Variants in NOX3 observed in about 807,000 individuals in gnomAD.
NOX3 encodes NADPH oxidase 3, also known as NADPH oxidase catalytic subunit-like 3.
A neutral mutation model predicts 76.7 loss-of-function variants in NOX3; 74 were observed. The ratio of observed to expected loss-of-function variants is 0.96; its 90% CI spans 0.80 to 1.17. The LOEUF (loss-of-function observed/expected upper bound fraction) is 1.17, where lower values mean the gene tolerates loss of function less well. Ranked by LOEUF, NOX3 falls within the 50% of genes most tolerant of loss-of-function variation. The probability of loss-of-function intolerance (pLI) is 0.00; values close to 1 mark genes in which losing one functional copy is unlikely to be tolerated. For missense variants in NOX3, 695 were observed against 703.3 expected, an observed-to-expected ratio of 0.99 and a Z score of 0.13; for synonymous variants, 263 against 261.1, an observed-to-expected ratio of 1.01 and a Z score of -0.07.
chr6:155,397,558 C>T (rs532142497), intron 12 of NOX3, among the ~76,000 whole-genome samples: 1 of 152,330 alleles, frequency 6.6e-6, no homozygotes, highest in African/African-American at 2.4e-5. Context: ...GAATGAATGA[C>T]TAAATGGCTT....
intron 7 of NOX3, among the ~76,000 whole-genome samples, chr6:155,434,711 C>T (rs1776879043): frequency 6.6e-6 from 1 of 152,146 alleles, no homozygotes; most frequent in Admixed American, 6.5e-5. Flanking sequence ...GCATCACACA[C>T]TTCATTTTGG....
intron 8 of NOX3, 101 bp from the exon 9 acceptor site, chr6:155,429,148 C>A: frequency 1.6e-6 from 2 of 1,229,990 alleles, no homozygotes; most frequent in Non-Finnish European, 2.2e-6. Flanking sequence ...CAGCTTGTTT[C>A]AGGTGTAATT....
chr6:155,441,975 G>T (rs2114704011), intron 5 of NOX3, among the ~76,000 whole-genome samples: 1 of 152,260 alleles, frequency 6.6e-6, no homozygotes, highest in Non-Finnish European at 1.5e-5. Flanking sequence ...CTAAGAAAAG[G>T]TAGCTCAAGC....
At chr6:155,448,531 C>T (rs1215974241) in intron 4 of NOX3, among the ~76,000 whole-genome samples, 1 of 151,852 alleles carries the variant, frequency 6.6e-6, no homozygotes, top group Non-Finnish European at 1.5e-5. Flanking sequence ...TTTGTGTTCT[C>T]CCCAAAGTAC....
intron 11 of NOX3, among the ~76,000 whole-genome samples, chr6:155,410,296 AGT>A (rs142349696): frequency 0.038 from 5,620 of 149,266 alleles, 292 homozygotes; most frequent in African/African-American, 0.12. Flanking sequence ...CTATAAGGCC[AGT>A]GTGTGTGTGT....
In NOX3 at chr6:155,440,025, T is replaced by C. The variant is rs772889510; in HGVS notation, c.599A>G (p.Tyr200Cys). 1.2e-5 allele frequency: 19 copies of C among 1,613,858 alleles called. No individual in the cohort carries two copies. The highest frequency in any genetic ancestry group is 4.4e-5 in the South Asian group (4 of 91,062). The change falls in exon 6 of 14, where the codon TAT (tyrosine) becomes TGT (cysteine). Residue 200 changes from tyrosine to cysteine, a missense_variant. Transcript: ENST00000159060. ...SSTEFIRQASYELFWYTHHVF... is the reference protein window; with the variant it reads ...SSTEFIRQASCELFWYTHHVF... Reference sequence around the variant, plus strand: ...ATGGTGTGTGTACCAGAACAACTCATAGGAGGCCTGTCTGATGAACTCAGT... The same window carrying C: ...ATGGTGTGTGTACCAGAACAACTCACAGGAGGCCTGTCTGATGAACTCAGT...
chr6:155,439,134 C>T (rs898868880), intron 6 of NOX3, among the ~76,000 whole-genome samples: 7 of 152,148 alleles, frequency 4.6e-5, no homozygotes, highest in Non-Finnish European at 8.8e-5. Context: ...ACCTTCTCTA[C>T]ATGACAGGAC....
chr6:155,424,091 T>C (rs1406955130), intron 9 of NOX3, among the ~76,000 whole-genome samples: 3 of 152,194 alleles, frequency 2.0e-5, no homozygotes, highest in Non-Finnish European at 4.4e-5. Context: ...GTTATTTCTC[T>C]GGTAGGTCTT....
chr6:155,419,724 A>G (rs1423015103), intron 10 of NOX3, among the ~76,000 whole-genome samples: 1 of 152,198 alleles, frequency 6.6e-6, no homozygotes, highest in Non-Finnish European at 1.5e-5. Context: ...GAGCCCAGGA[A>G]TGACAATGGA....
Position 155,431,100 on chromosome 6 carries a change from A to G in NOX3, c.799-165T>C, listed in dbSNP as rs1011076666. Among the ~76,000 whole-genome samples the G allele has an allele frequency of 4.6e-5, 7 of 152,242 alleles. No homozygotes were observed. The East Asian group carries it at 1.3e-3, about 29-fold the overall frequency. ...GATGTCTCCTTGTATTATATACTAT[A>G]ACATTCAATTATTTATTGAAGTCTA... is the stretch of plus-strand genomic sequence containing the variant. On this transcript the variant is annotated intron_variant, in intron 7 of 13. Coordinates refer to ENST00000159060, the MANE Select transcript of NOX3 (RefSeq NM_015718.3).
intron 12 of NOX3, among the ~76,000 whole-genome samples, chr6:155,405,201 G>A (rs570896891): frequency 3.9e-5 from 6 of 152,166 alleles, no homozygotes; most frequent in Non-Finnish European, 7.3e-5. Context: ...TGGGAACATC[G>A]CCGGGGATAT....
At position 155,440,196 on chromosome 6, in the gene NOX3, A is replaced by C. The variant is rs73567355; in HGVS notation, c.487-59T>G. 3.5e-4 allele frequency: 476 copies of C among 1,369,250 alleles called. 3 individuals carry two copies. The African/African-American group carries it at 6.2e-3, about 18-fold the overall frequency. The allele number at this position is 1,369,250 out of a possible 1,614,324, so 84.8% of individuals were successfully genotyped here. A position where few individuals can be genotyped will look rare whatever the true frequency, so the allele number is the denominator to read the frequency against. ...AACAAAAAAAAACACCTTGACATTA[A>C]ATATCCTGGCATATTTTTTTTTTTC... On this transcript the variant is annotated intron_variant, in intron 5 of 13. Transcript: ENST00000159060.
intron 10 of NOX3, among the ~76,000 whole-genome samples, chr6:155,416,820 A>G (rs574978909): frequency 4.6e-4 from 63 of 136,012 alleles, no homozygotes; most frequent in African/African-American, 1.7e-3. Flanking sequence ...GTGCAATCTC[A>G]GTTCACTGCA....
At position 155,436,576 on chromosome 6, in the gene NOX3, C is replaced by A. The variant is rs1562468548; in HGVS notation, c.669-29G>T. The A allele has an allele frequency of 8.1e-6, 13 of 1,606,288 alleles. No individual in the cohort carries two copies. In the Admixed American group the frequency reaches 8.7e-5, roughly 11 times the overall value. ...GTTATTTAAGAAAAGCAAAACAAAA[C>A]AAAAAGCAAAAAACGTCAAACTGAT... On this transcript the variant is annotated intron_variant, in intron 6 of 13. Coordinates refer to ENST00000159060, the MANE Select transcript of NOX3 (RefSeq NM_015718.3).
chr6:155,416,167 G>A (rs1029765655), intron 10 of NOX3, among the ~76,000 whole-genome samples: 4 of 152,234 alleles, frequency 2.6e-5, no homozygotes, highest in African/African-American at 4.8e-5. Flanking sequence ...GGCTTGCAGT[G>A]CCACCTGCCT....
chr6:155,455,297 G>T (rs1190030998), intron 1 of NOX3, among the ~76,000 whole-genome samples, 168 bp from the exon 2 acceptor site: 1 of 151,992 alleles, frequency 6.6e-6, no homozygotes, highest in African/African-American at 2.4e-5. Context: ...GGATTATGAT[G>T]GTAATACATT....
In NOX3 at chr6:155,454,782, G is replaced by C. The variant is rs114285459; in HGVS notation, c.255+29C>G. On this transcript the variant is annotated intron_variant, in intron 3 of 13. Coordinates refer to ENST00000159060, the MANE Select transcript of NOX3 (RefSeq NM_015718.3). ...CTTATATGAGGAAGTCGTAACAGTT[G>C]AGATTATTTCAGATATTTTAGTACT... is the stretch of plus-strand genomic sequence containing the variant. 255 of 1,289,062 alleles carry C rather than the reference G, an allele frequency of 2.0e-4. 1 individual carries two copies. In the African/African-American group the frequency reaches 3.3e-3, roughly 17 times the overall value. The allele number at this position is 1,289,062 out of a possible 1,614,324, so 79.9% of individuals were successfully genotyped here. A position where few individuals can be genotyped will look rare whatever the true frequency, so the allele number is the denominator to read the frequency against.
At chr6:155,453,290 G>A in intron 4 of NOX3, 114 bp downstream of exon 4, 1 of 812,796 alleles carries the variant, frequency 1.2e-6, no homozygotes, top group Admixed American at 1.9e-5. Context: ...TCAGATAAAG[G>A]GCAAAGTTTT....
chr6:155,401,551 C>T (rs163004), intron 12 of NOX3, among the ~76,000 whole-genome samples: 4,344 of 152,176 alleles, frequency 0.029, 108 homozygotes, highest in African/African-American at 0.071. Flanking sequence ...GGTGCATACA[C>T]AAGCAAATGT....
Sources: gnomAD v4.1 joint callset for allele counts (sites outside exome capture counted in the v4.1 genomes callset) on GRCh38, gnomAD v4.1.1 for gene constraint, MANE v1.5 for transcripts, NCBI Gene and HGNC (gene_info 2026-07-23, HGNC 2026-07-21) for gene names.